DGKB: variants seen among roughly 807,000 people sequenced by gnomAD.
The protein encoded by DGKB is 90 kDa diacylglycerol kinase.
Under a neutral mutation model 114.3 loss-of-function variants are expected in DGKB, and 67 were observed. The observed-to-expected ratio is 0.59, with a 90% CI of 0.48 to 0.72. The LOEUF (loss-of-function observed/expected upper bound fraction) is 0.72. Ranked by LOEUF, DGKB falls within the 30% of genes least tolerant of loss-of-function variation. The probability of loss-of-function intolerance (pLI) is 0.00; values close to 1 mark genes in which losing one functional copy is unlikely to be tolerated. For synonymous variants in DGKB, 398 were observed against 323.1 expected (o/e 1.23, Z -2.49); for missense variants, 907 against 975.2 (o/e 0.93, Z 0.93).
At chr7:14,318,664 T>C (rs913513684) in intron 23 of DGKB, among the ~76,000 whole-genome samples, 3 of 151,834 alleles carry the variant, frequency 2.0e-5, no homozygotes, top group Non-Finnish European at 4.4e-5. Context: ...TGTGGAGAAA[T>C]AGGAACACTT....
intron 2 of DGKB, among the ~76,000 whole-genome samples, chr7:14,761,324 A>G (rs765303598): frequency 6.6e-6 from 1 of 152,186 alleles, no homozygotes; most frequent in Non-Finnish European, 1.5e-5. Flanking sequence ...CATTGTTTTT[A>G]CATGAATTAT....
intron 23 of DGKB, among the ~76,000 whole-genome samples, chr7:14,211,361 ATTTACTCTCGTGTTTTGTGAT>A (rs1562627809): frequency 2.4e-3 from 147 of 62,424 alleles, no homozygotes; most frequent in African/African-American, 0.011. Context: ...GTTTTGTGAT[ATTTACTCTCGTGTTTTGTGAT>A]TTTACTCTCA....
intron 1 of DGKB, among the ~76,000 whole-genome samples, chr7:14,874,796 C>A (rs1367391293): frequency 6.6e-6 from 1 of 152,002 alleles, no homozygotes; most frequent in Admixed American, 6.6e-5. Context: ...ATCAATTCCC[C>A]CACACAGATT....
At position 14,367,579 on chromosome 7, in the gene DGKB, T is replaced by C. The variant is rs143581211; in HGVS notation, c.1836-22188A>G. 1.0e-3 allele frequency among the ~76,000 whole-genome samples: 158 copies of C among 152,152 alleles called. No individual in the cohort carries two copies. In the East Asian group the frequency reaches 0.012, roughly 12 times the overall value. Reference sequence around the variant, plus strand: ...GTCTCAGGTATGTCTTTATTAGCAGTATGAGAATGGACTAATACACTAGGC... The same window carrying C: ...GTCTCAGGTATGTCTTTATTAGCAGCATGAGAATGGACTAATACACTAGGC... On this transcript the variant is annotated intron_variant, in intron 21 of 25. Transcript: ENST00000402815.
chr7:14,938,150 A>T (rs1562889173), intron 1 of DGKB, among the ~76,000 whole-genome samples: 1 of 152,224 alleles, frequency 6.6e-6, no homozygotes, highest in South Asian at 2.1e-4. Context: ...GTGTGTGCCC[A>T]TATGCAAAGA....
intron 21 of DGKB, among the ~76,000 whole-genome samples, chr7:14,431,619 A>C (rs900493978): frequency 1.3e-5 from 2 of 152,240 alleles, no homozygotes; most frequent in South Asian, 4.2e-4. Flanking sequence ...TTAATGAATA[A>C]ATTTTATCTA....
At chr7:14,893,013 C>T (rs1781528345) in intron 1 of DGKB, among the ~76,000 whole-genome samples, 1 of 150,872 alleles carries the variant, frequency 6.6e-6, no homozygotes, top group Non-Finnish European at 1.5e-5. Context: ...TGTGTATATA[C>T]ACTTTTCGTA....
chr7:14,700,921 A>C (rs1825054857), intron 7 of DGKB, among the ~76,000 whole-genome samples: 1 of 152,192 alleles, frequency 6.6e-6, no homozygotes, highest in South Asian at 2.1e-4. Flanking sequence ...TATAATATGC[A>C]AAATATGTTA....
chr7:14,771,701 C>G (rs1374211912), intron 2 of DGKB, among the ~76,000 whole-genome samples: 3 of 151,930 alleles, frequency 2.0e-5, no homozygotes, highest in African/African-American at 7.3e-5. Context: ...ATATATTTTC[C>G]CCAAAATATA....
intron 21 of DGKB, among the ~76,000 whole-genome samples, chr7:14,358,780 C>A (rs1323041382): frequency 6.6e-6 from 1 of 152,100 alleles, no homozygotes; most frequent in Admixed American, 6.6e-5. Context: ...GAACTACAAA[C>A]CGCTGTTCAA....
intron 23 of DGKB, among the ~76,000 whole-genome samples, chr7:14,313,297 G>C (rs140733792): frequency 1.3e-5 from 2 of 152,060 alleles, no homozygotes; most frequent in Admixed American, 1.3e-4. Flanking sequence ...GAACAGCTCC[G>C]GTCTACAGCT....
intron 12 of DGKB, among the ~76,000 whole-genome samples, chr7:14,677,529 C>A (rs954999212): frequency 1.3e-5 from 2 of 151,940 alleles, no homozygotes; most frequent in Admixed American, 1.3e-4. Context: ...TATATCATAG[C>A]AAAAGTTAGT....
At chr7:14,162,154 G>A (rs1197944246) in intron 25 of DGKB, among the ~76,000 whole-genome samples, 5 of 152,124 alleles carry the variant, frequency 3.3e-5, no homozygotes, top group Admixed American at 3.3e-4. Context: ...AAAATTAATA[G>A]TTAGAAAAGG....
chr7:14,729,735 T>C (rs1229020061), intron 5 of DGKB, among the ~76,000 whole-genome samples: 2 of 152,318 alleles, frequency 1.3e-5, no homozygotes, highest in East Asian at 3.9e-4. Context: ...TTTCTCCACA[T>C]AGTCAGTTCA....
chr7:14,904,424 T>A (rs538061475), upstream of DGKB, among the ~76,000 whole-genome samples: 11 of 152,180 alleles, frequency 7.2e-5, no homozygotes, highest in South Asian at 2.3e-3. Flanking sequence ...TTAATCAGGG[T>A]TAAATTAAAC....
intron 21 of DGKB, among the ~76,000 whole-genome samples, chr7:14,444,586 C>T (rs184423337): frequency 3.4e-3 from 523 of 151,820 alleles, no homozygotes; most frequent in Non-Finnish European, 5.8e-3. Flanking sequence ...GCATTAAATG[C>T]TAAAATATAA....
chr7:14,558,797 G>A (rs183563849), intron 20 of DGKB, among the ~76,000 whole-genome samples: 1 of 152,262 alleles, frequency 6.6e-6, no homozygotes, highest in East Asian at 1.9e-4. Context: ...TGGCTCTTGT[G>A]TGCCTCAGAT....
At chr7:14,312,844 T>C (rs1805640062) in intron 23 of DGKB, among the ~76,000 whole-genome samples, 1 of 152,206 alleles carries the variant, frequency 6.6e-6, no homozygotes, top group Non-Finnish European at 1.5e-5. Context: ...AAGTGAAAAT[T>C]AGGAATTTAG....
intron 23 of DGKB, among the ~76,000 whole-genome samples, chr7:14,246,379 TCA>T (rs910936805): frequency 3.3e-5 from 5 of 152,080 alleles, no homozygotes; most frequent in Admixed American, 2.6e-4. Flanking sequence ...TTGCCTAATA[TCA>T]CACAGCTGGT....
Sources: allele counts gnomAD v4.1 joint callset (sites outside exome capture counted in the v4.1 genomes callset), GRCh38; gene constraint gnomAD v4.1.1; transcripts MANE v1.5; gene names NCBI Gene and HGNC (gene_info 2026-07-23, HGNC 2026-07-21).